The following NAV2 variants were observed in gnomAD, a reference collection of about 807,000 sequenced individuals.
NAV2 encodes the protein neuron navigator 2, also known as helicase, APC down-regulated 1.
Under a neutral mutation model 223.2 loss-of-function variants are expected in NAV2, and 54 were observed. The ratio of observed to expected loss-of-function variants is 0.24; its 90% CI spans 0.19 to 0.30. The LOEUF (loss-of-function observed/expected upper bound fraction) is 0.30, where lower values mean the gene tolerates loss of function less well. NAV2 is among the 10% of genes least tolerant of loss of function. The pLI is 1.00. For missense variants in NAV2, 2,806 were observed against 3,147.5 expected, an observed-to-expected ratio of 0.89 and a Z score of 2.60; for synonymous variants, 1,279 against 1,239.3, an observed-to-expected ratio of 1.03 and a Z score of -0.67.
chr11:19,877,622 G>A lies in NAV2; in HGVS notation c.512-2247G>A, dbSNP rs368522376. On this transcript the variant is annotated intron_variant, in intron 4 of 37. Transcript: ENST00000349880. ...TGAGTAGCTGGGACCACACGCGCCC[G>A]CCACCACGCCCGGCTAATTTTTTGT... 1.5e-4 allele frequency among the ~76,000 whole-genome samples: 23 copies of A among 151,720 alleles called. No individual in the cohort carries two copies. The East Asian group carries it at 4.3e-3, about 28-fold the overall frequency.
At chr11:19,547,534 A>G (rs868122964) in intron 1 of NAV2, among the ~76,000 whole-genome samples, 22 of 152,068 alleles carry the variant, frequency 1.4e-4, no homozygotes, top group Middle Eastern at 3.4e-3. Context: ...CACGCTGCAC[A>G]CTGTGTAATC....
In NAV2 at chr11:19,840,628, C is replaced by T. The variant is rs190457515; in HGVS notation, c.386-2243C>T. Among the ~76,000 whole-genome samples the T allele has an allele frequency of 1.2e-3, 177 of 152,300 alleles. 1 individual carries two copies. The highest frequency in any genetic ancestry group is 2.4e-3 in the Non-Finnish European group (160 of 68,040). ...TGAGTGTCAAAATCCAAGGTCAGAGCTCATGCCTGCCATAATTTCCCAGGT... is the reference window on the plus strand; with the variant it reads ...TGAGTGTCAAAATCCAAGGTCAGAGTTCATGCCTGCCATAATTTCCCAGGT... On this transcript the variant is annotated intron_variant, in intron 2 of 37. Coordinates refer to ENST00000349880, the MANE Select transcript of NAV2 (RefSeq NM_145117.5).
intron 1 of NAV2, among the ~76,000 whole-genome samples, chr11:19,559,659 C>A (rs1464113237): frequency 2.0e-5 from 3 of 152,134 alleles, no homozygotes; most frequent in African/African-American, 4.8e-5. Flanking sequence ...CAGGCAATAG[C>A]CATTTTCAAG....
In NAV2 at chr11:19,948,781, C is replaced by A; in HGVS notation, c.2346C>A (p.Ser782=). 1 of 1,614,018 alleles carries A rather than the reference C, an allele frequency of 6.2e-7. No individual in the cohort carries two copies. Among genetic ancestry groups the A allele is most frequent in the Non-Finnish European group, 8.5e-7 (1 of 1,180,002 alleles). ...LSLTGRPTPL[S]WRLGQSSPRL... is the part of the protein sequence containing the mutation. ...TGACAGGGAGGCCCACACCTCTGTC[C>A]TGGAGACTGGGCCAGTCCAGCCCTC... Residue 782 remains serine, a synonymous_variant, in exon 10 of 38, where the codon TCC becomes TCA. Coordinates refer to ENST00000349880, the MANE Select transcript of NAV2 (RefSeq NM_145117.5).
intron 14 of NAV2, among the ~76,000 whole-genome samples, chr11:20,048,010 G>A (rs2057621250): frequency 6.6e-6 from 1 of 152,084 alleles, no homozygotes; most frequent in South Asian, 2.1e-4. Flanking sequence ...GCACATTTTT[G>A]GCCACGAGCA....
chr11:20,044,643 C>T (rs1338639018), intron 13 of NAV2, among the ~76,000 whole-genome samples: 7 of 152,086 alleles, frequency 4.6e-5, no homozygotes, highest in East Asian at 1.9e-4. Context: ...ATCCCCTGGA[C>T]ATGTTAGGGA....
At chr11:19,810,106 CTATT>C (rs988196756) in intron 1 of NAV2, among the ~76,000 whole-genome samples, 3 of 152,272 alleles carry the variant, frequency 2.0e-5, no homozygotes, top group African/African-American at 7.2e-5. Flanking sequence ...TTTTTCTCTT[CTATT>C]TATTTAGTCA....
chr11:19,699,277 C>T (rs1393278983), intron 1 of NAV2, among the ~76,000 whole-genome samples: 1 of 152,152 alleles, frequency 6.6e-6, no homozygotes, highest in African/African-American at 2.4e-5. Context: ...CCTGTTTCTT[C>T]GTCTGTAAAA....
At chr11:19,358,719 T>C (rs1853761350) in intron 1 of NAV2, among the ~76,000 whole-genome samples, 1 of 152,160 alleles carries the variant, frequency 6.6e-6, no homozygotes, top group South Asian at 2.1e-4. Context: ...GCTTCTTAGG[T>C]GAGTAAGGTT....
chr11:19,984,144 C>T lies in NAV2; in HGVS notation c.2665C>T (p.Leu889Phe). The change falls in exon 11 of 38, where the codon CTT becomes TTT. Residue 889 changes from leucine (L) to phenylalanine (F), a missense_variant. Coordinates refer to ENST00000349880, the MANE Select transcript of NAV2 (RefSeq NM_145117.5). ...ITSGYMTDGGLGLYTRRLNRL... is the reference protein window; with the variant it reads ...ITSGYMTDGGFGLYTRRLNRL... ...TTAAAGATACATGACTGATGGTGGA[C>T]TTGGCCTCTATACCCGTCGCCTGAA... is the stretch of plus-strand genomic sequence containing the variant. 1 of 1,614,178 alleles carries T rather than the reference C, an allele frequency of 6.2e-7. No individual in the cohort carries two copies. The highest frequency in any genetic ancestry group is 8.5e-7 in the Non-Finnish European group (1 of 1,180,028).
intron 1 of NAV2, among the ~76,000 whole-genome samples, chr11:19,360,408 T>C (rs1853866306): frequency 6.6e-6 from 1 of 152,234 alleles, no homozygotes; most frequent in Admixed American, 6.5e-5. Flanking sequence ...AATCCTCAGC[T>C]GTCTTTGCTA....
chr11:19,498,939 C>A (rs1350324092), intron 1 of NAV2, among the ~76,000 whole-genome samples: 2 of 152,214 alleles, frequency 1.3e-5, no homozygotes, highest in East Asian at 1.9e-4. Flanking sequence ...CACTGAGTAG[C>A]AAAGTACTAT....
At chr11:19,667,233 G>C (rs1007127835) in intron 1 of NAV2, among the ~76,000 whole-genome samples, 1 of 152,216 alleles carries the variant, frequency 6.6e-6, no homozygotes, top group Non-Finnish European at 1.5e-5. Context: ...ATTTGTAGAC[G>C]TTGAACAATT....
chr11:19,819,105 C>T (rs764324995), intron 1 of NAV2, among the ~76,000 whole-genome samples: 28 of 152,132 alleles, frequency 1.8e-4, no homozygotes, highest in African/African-American at 5.3e-4. Flanking sequence ...TTGTTTATCA[C>T]GCTCCTGTAG....
chr11:19,350,453 G>T (rs1021280455), upstream of NAV2, among the ~76,000 whole-genome samples: 7 of 152,232 alleles, frequency 4.6e-5, no homozygotes, highest in Non-Finnish European at 1.0e-4. Flanking sequence ...GGAGCCATGA[G>T]GGGCGGCTTT....
chr11:19,676,978 T>G (rs1268069779), intron 1 of NAV2, among the ~76,000 whole-genome samples: 1 of 152,120 alleles, frequency 6.6e-6, no homozygotes, highest in Non-Finnish European at 1.5e-5. Flanking sequence ...ATGTGTGAGT[T>G]TGTGGGCGCC....
At chr11:19,643,228 A>T (rs12417172) in intron 1 of NAV2, among the ~76,000 whole-genome samples, 14 of 152,176 alleles carry the variant, frequency 9.2e-5, no homozygotes, top group Admixed American at 9.2e-4. Flanking sequence ...CGTTTGTTAC[A>T]TATGTATACA....
upstream of NAV2, among the ~76,000 whole-genome samples, chr11:19,348,388 C>T (rs1853115437): frequency 6.6e-6 from 1 of 151,578 alleles, no homozygotes; most frequent in Non-Finnish European, 1.5e-5. Context: ...AGATTCTGAA[C>T]TCAGCCTGCT....
At chr11:19,993,915 A>G (rs936694807) in intron 11 of NAV2, among the ~76,000 whole-genome samples, 1 of 152,224 alleles carries the variant, frequency 6.6e-6, no homozygotes, top group African/African-American at 2.4e-5. Context: ...TTGGGATCCA[A>G]GGATGAGTGG....
Sources: gnomAD v4.1 joint callset for allele counts (sites outside exome capture counted in the v4.1 genomes callset) on GRCh38, gnomAD v4.1.1 for gene constraint, MANE v1.5 for transcripts, NCBI Gene and HGNC (gene_info 2026-07-23, HGNC 2026-07-21) for gene names.